Variants in NBAS observed in about 807,000 individuals in gnomAD.
The protein encoded by NBAS is NAG/BC035112 fusion.
Under a neutral mutation model 302.5 loss-of-function variants are expected in NBAS, and 219 were observed. The observed-to-expected ratio is 0.72, with a 90% CI of 0.65 to 0.81. The LOEUF (loss-of-function observed/expected upper bound fraction) is 0.81. Ranked by LOEUF, NBAS falls within the 30% of genes least tolerant of loss-of-function variation. The probability of loss-of-function intolerance (pLI) is 0.00; values close to 1 mark genes in which losing one functional copy is unlikely to be tolerated. For missense variants in NBAS, 2,932 were observed against 2,841.6 expected, an observed-to-expected ratio of 1.03 and a Z score of -0.72; for synonymous variants, 1,118 against 1,021.6, an observed-to-expected ratio of 1.09 and a Z score of -1.80.
In NBAS at chr2:15,561,189, T is replaced by A; in HGVS notation, c.116A>T (p.Gln39Leu). 1.2e-6 allele frequency: 2 copies of A among 1,612,880 alleles called. No homozygotes were observed. Among genetic ancestry groups the A allele is most frequent in the Non-Finnish European group, 1.7e-6 (2 of 1,179,418 alleles). The change falls in exon 1 of 52, where the codon CAG becomes CTG. Residue 39 changes from glutamine to leucine, a missense_variant and splice_region_variant. Gln to Leu is a moderately radical substitution (Grantham distance 113, BLOSUM62 -2). Transcript: ENST00000281513. The stretch of plus-strand genomic sequence containing the variant: ...CTGCTGTAGATGGGCCTGGTTCACC[T>A]GTACTTCAGTCTCCGGTGGCCACTC... ...NTEWPPETEV[Q>L]PRGNQKHGAS...
the NBAS span, among the ~76,000 whole-genome samples, chr2:15,092,269 T>C: frequency 5.7e-3 from 870 of 152,326 alleles, 10 homozygotes; most frequent in African/African-American, 0.02. Flanking sequence ...GTTTCCATTG[T>C]TGAACTGCAG....
At chr2:15,055,785 A>G in the NBAS span, among the ~76,000 whole-genome samples, 21 of 152,166 alleles carry the variant, frequency 1.4e-4, no homozygotes, top group African/African-American at 4.8e-4. Context: ...AGTCACAAAT[A>G]TGGAAAGGAA....
chr2:15,109,269 T>C, the NBAS span, among the ~76,000 whole-genome samples: 1 of 152,130 alleles, frequency 6.6e-6, no homozygotes, highest in African/African-American at 2.4e-5. Flanking sequence ...AAAATATTTG[T>C]TGAATCTATG....
chr2:15,552,290 T>C (rs1230718272), intron 5 of NBAS, among the ~76,000 whole-genome samples: 1 of 152,222 alleles, frequency 6.6e-6, no homozygotes, highest in Admixed American at 6.5e-5. Context: ...AACTTTGCTA[T>C]GTGCACCCAA....
intron 9 of NBAS, among the ~76,000 whole-genome samples, chr2:15,527,316 T>G (rs1572970884): frequency 6.6e-6 from 1 of 152,220 alleles, no homozygotes; most frequent in African/African-American, 2.4e-5. Context: ...AAGTAGCTGA[T>G]AGTCTAATTG....
In NBAS at chr2:15,402,247, A is replaced by C. The variant is rs1397157874; in HGVS notation, c.2992T>G (p.Cys998Gly). The change falls in exon 26 of 52, where the codon TGC becomes GGC. Residue 998 changes from cysteine to glycine, a missense_variant. Coordinates refer to ENST00000281513, the MANE Select transcript of NBAS (RefSeq NM_015909.4). Reference protein sequence around the residue: ...QDQLMAIALECIYTCERNDQL... With the variant: ...QDQLMAIALEGIYTCERNDQL... ...TCATTTCGTTCACAGGTATAGATGCACTCTAGTGCTATTGCCATCAGTTGG... is the reference window on the plus strand; with the variant it reads ...TCATTTCGTTCACAGGTATAGATGCCCTCTAGTGCTATTGCCATCAGTTGG... 2 of 1,613,440 alleles carry C rather than the reference A, an allele frequency of 1.2e-6. No homozygotes were observed. Among genetic ancestry groups the C allele is most frequent in the Non-Finnish European group, 1.7e-6 (2 of 1,179,652 alleles).
the NBAS span, among the ~76,000 whole-genome samples, chr2:15,051,804 G>C: frequency 6.6e-6 from 1 of 152,144 alleles, no homozygotes; most frequent in Non-Finnish European, 1.5e-5. Context: ...AGATGGCAGG[G>C]ACCAATTAAG....
the NBAS span, among the ~76,000 whole-genome samples, chr2:14,786,766 T>C: frequency 0.38 from 58,298 of 151,938 alleles, 11,498 homozygotes; most frequent in African/African-American, 0.46. Flanking sequence ...TTGGAATAGA[T>C]GTGGTGTGGT....
the NBAS span, among the ~76,000 whole-genome samples, chr2:14,957,609 G>A: frequency 2.0e-5 from 3 of 152,084 alleles, no homozygotes; most frequent in Non-Finnish European, 2.9e-5. Flanking sequence ...CACCTTTCCA[G>A]CCATTCTCCC....
the NBAS span, among the ~76,000 whole-genome samples, chr2:14,860,062 A>G: frequency 6.6e-6 from 1 of 152,158 alleles, no homozygotes; most frequent in African/African-American, 2.4e-5. Flanking sequence ...GAAGACACAC[A>G]AATGGCCAAC....
the NBAS span, among the ~76,000 whole-genome samples, chr2:15,120,468 A>C: frequency 6.6e-6 from 1 of 152,148 alleles, no homozygotes; most frequent in Non-Finnish European, 1.5e-5. Flanking sequence ...GTTAATCCTC[A>C]TATGACACTC....
the NBAS span, among the ~76,000 whole-genome samples, chr2:14,902,106 C>A: frequency 6.1e-4 from 92 of 151,870 alleles, 2 homozygotes; most frequent in South Asian, 0.019. Context: ...TAGCAATCAT[C>A]CCTTTTTCCC....
intron 47 of NBAS, among the ~76,000 whole-genome samples, chr2:15,228,376 TA>T (rs1193329817): frequency 6.6e-6 from 1 of 152,178 alleles, no homozygotes; most frequent in Non-Finnish European, 1.5e-5. Context: ...AGTGGACCCT[TA>T]TACACTGTTG....
chr2:14,796,295 T>A, the NBAS span, among the ~76,000 whole-genome samples: 1 of 151,814 alleles, frequency 6.6e-6, no homozygotes, highest in East Asian at 1.9e-4. Context: ...ACTTCATTCT[T>A]CCTTTCCAAA....
chr2:15,315,161 A>C (rs7593644), intron 38 of NBAS, among the ~76,000 whole-genome samples: 4,095 of 152,302 alleles, frequency 0.027, 182 homozygotes, highest in African/African-American at 0.093. Context: ...AAATTTTAAA[A>C]CACACAAAAG....
the NBAS span, among the ~76,000 whole-genome samples, chr2:14,893,988 T>C: frequency 6.6e-6 from 1 of 152,216 alleles, no homozygotes; most frequent in Admixed American, 6.5e-5. Context: ...CCTGCTGGGA[T>C]TGATACAAAA....
chr2:15,052,984 T>A, the NBAS span, among the ~76,000 whole-genome samples: 1 of 152,150 alleles, frequency 6.6e-6, no homozygotes, highest in African/African-American at 2.4e-5. Context: ...AAAACAAATT[T>A]GTAAGTGTTA....
chr2:15,513,341 C>T (rs909607718), intron 9 of NBAS, among the ~76,000 whole-genome samples: 1 of 152,146 alleles, frequency 6.6e-6, no homozygotes, highest in African/African-American at 2.4e-5. Flanking sequence ...CTCACCAGGG[C>T]AAAAGAGACT....
At chr2:15,465,620 G>T (rs543023180) in intron 19 of NBAS, among the ~76,000 whole-genome samples, 3 of 152,038 alleles carry the variant, frequency 2.0e-5, no homozygotes, top group Admixed American at 2.0e-4. Context: ...ACTATCTAAT[G>T]GTTAGCTATT....
Sources: gnomAD v4.1 joint callset for allele counts (sites outside exome capture counted in the v4.1 genomes callset) on GRCh38, gnomAD v4.1.1 for gene constraint, MANE v1.5 for transcripts, NCBI Gene and HGNC (gene_info 2026-07-23, HGNC 2026-07-21) for gene names.